The following OTUD7A variants were observed in gnomAD, a reference collection of about 807,000 sequenced individuals.
OTUD7A encodes the protein OTU deubiquitinase 7A.
Under a neutral mutation model 65.7 loss-of-function variants are expected in OTUD7A, and 12 were observed. That is an observed-to-expected ratio of 0.18 (90% confidence interval 0.12 to 0.30). The LOEUF (loss-of-function observed/expected upper bound fraction) is 0.30, where lower values mean the gene tolerates loss of function less well. Among genes scored for constraint, OTUD7A ranks in the 10% least tolerant of loss-of-function variants. The probability of loss-of-function intolerance (pLI) is 1.00; values close to 1 mark genes in which losing one functional copy is unlikely to be tolerated. For synonymous variants in OTUD7A, 641 were observed against 586.3 expected, an observed-to-expected ratio of 1.09 and a Z score of -1.35; for missense variants, 1,148 against 1,304.8, an observed-to-expected ratio of 0.88 and a Z score of 1.85.
chr15:31,578,658 T>A (rs1889278763), intron 3 of OTUD7A, among the ~76,000 whole-genome samples: 1 of 152,032 alleles, frequency 6.6e-6, no homozygotes, highest in South Asian at 2.1e-4. Context: ...TTCAAGCAAT[T>A]CTCCTGCTTC....
At chr15:31,791,424 T>C (rs1195868414) in intron 1 of OTUD7A, among the ~76,000 whole-genome samples, 1 of 152,224 alleles carries the variant, frequency 6.6e-6, no homozygotes, top group Non-Finnish European at 1.5e-5. Flanking sequence ...CTTCAAATTT[T>C]GTATTCCATC....
intron 3 of OTUD7A, among the ~76,000 whole-genome samples, chr15:31,647,851 G>C (rs1456964389): frequency 1.3e-5 from 2 of 151,904 alleles, no homozygotes; most frequent in Non-Finnish European, 1.5e-5. Context: ...CGTGGAGGGA[G>C]AGCTGAATTT....
intron 3 of OTUD7A, among the ~76,000 whole-genome samples, chr15:31,606,923 T>C (rs1890255367): frequency 6.6e-6 from 1 of 152,236 alleles, no homozygotes; most frequent in African/African-American, 2.4e-5. Flanking sequence ...ATGAAGTAAG[T>C]GTTTATCAGT....
In OTUD7A at chr15:31,479,673, G is replaced by T. The variant is rs558164864; in HGVS notation, c.*3621C>A. On this transcript the variant is annotated 3_prime_UTR_variant, in exon 13 of 13. Coordinates refer to ENST00000307050, the MANE Select transcript of OTUD7A (RefSeq NM_001382637.1). ...TGTGGACACTAAGTGGGGGGGGGGG[G>T]TGATGGGCCCATGACCCCTCCCCAG... 7.2e-6 allele frequency: 1 copy of T among 139,134 alleles called. No homozygotes were observed. The highest frequency in any genetic ancestry group is 1.6e-5 in the Non-Finnish European group (1 of 64,382). 8.6% of individuals were successfully genotyped at this position (139,134 alleles called of 1,614,324 possible). A position where few individuals can be genotyped will look rare whatever the true frequency, so the allele number is the denominator to read the frequency against.
chr15:31,757,825 C>T (rs191642104), intron 1 of OTUD7A, among the ~76,000 whole-genome samples: 2 of 152,236 alleles, frequency 1.3e-5, no homozygotes, highest in East Asian at 1.9e-4. Context: ...ATTGTCAGTG[C>T]CTTGAGTAAA....
At chr15:31,638,131 T>C (rs1891395112) in intron 3 of OTUD7A, among the ~76,000 whole-genome samples, 2 of 152,088 alleles carry the variant, frequency 1.3e-5, no homozygotes, top group Admixed American at 6.5e-5. Context: ...GCATCAAACT[T>C]CACGATTGTC....
In OTUD7A at chr15:31,647,239, A is replaced by C. The variant is rs7175551; in HGVS notation, c.151+7857T>G. 8.9e-3 allele frequency among the ~76,000 whole-genome samples: 1,356 copies of C among 152,224 alleles called. 30 individuals are homozygous for C. The highest frequency in any genetic ancestry group is 0.031 in the African/African-American group (1,306 of 41,528). On this transcript the variant is annotated intron_variant, in intron 3 of 12. Coordinates refer to ENST00000307050, the MANE Select transcript of OTUD7A (RefSeq NM_001382637.1). ...CCTGCTTAGGATTCATGGTCCCTAG[A>C]CCACCTTTTTGTTCCCATTCAAGGG... is the stretch of plus-strand genomic sequence containing the variant.
chr15:31,779,408 G>A (rs1044855282), intron 1 of OTUD7A, among the ~76,000 whole-genome samples: 18 of 152,192 alleles, frequency 1.2e-4, no homozygotes, highest in African/African-American at 2.9e-4. Flanking sequence ...GGCTACAGGA[G>A]ACACCTCTGT....
At chr15:31,626,616 C>G (rs1356271046) in intron 3 of OTUD7A, among the ~76,000 whole-genome samples, 1 of 152,080 alleles carries the variant, frequency 6.6e-6, no homozygotes, top group Non-Finnish European at 1.5e-5. Context: ...CACTGTGTTG[C>G]CCAAGTTGGA....
chr15:31,571,365 G>A (rs1045460010), intron 3 of OTUD7A, among the ~76,000 whole-genome samples: 16 of 152,288 alleles, frequency 1.1e-4, no homozygotes, highest in South Asian at 8.3e-4. Flanking sequence ...AAGGAAAGGC[G>A]CAGAGGCCCA....
rs185007324 is a variant in OTUD7A, at chr15:31,847,352, T to G, written c.-100+23155A>C. Among the ~76,000 whole-genome samples, 3 of 152,252 alleles carry G rather than the reference T, an allele frequency of 2.0e-5. No individual in the cohort carries two copies. In the East Asian group the frequency reaches 5.8e-4, roughly 29 times the overall value. On this transcript the variant is annotated intron_variant, in intron 1 of 12. Transcript: ENST00000307050. ...TGATAGAAATGAAAAAAGGGTGTGA[T>G]CATGGTCAAAGAGCAAGACAGCCGC...
chr15:31,484,813 C>T lies in OTUD7A; in HGVS notation c.1372-89G>A, dbSNP rs1192648089. 6.7e-7 allele frequency: 1 copy of T among 1,503,284 alleles called. No homozygotes were observed. The highest frequency in any genetic ancestry group is 8.9e-7 in the Non-Finnish European group (1 of 1,129,112). 93.1% of individuals were successfully genotyped at this position (1,503,284 alleles called of 1,614,324 possible). On this transcript the variant is annotated intron_variant, in intron 12 of 12. Coordinates refer to ENST00000307050, the MANE Select transcript of OTUD7A (RefSeq NM_001382637.1). The surrounding 1 kb of genome is among the most constrained non-coding windows in gnomAD (Gnocchi z 4.5). ...GAAGACACACCTTGCCCCTGTGTTG[C>T]CGAGGCTAGGGCCCTGGACCTTCAC...
chr15:31,763,093 G>A (rs549672827), intron 1 of OTUD7A, among the ~76,000 whole-genome samples: 1 of 152,228 alleles, frequency 6.6e-6, no homozygotes, highest in Non-Finnish European at 1.5e-5. Flanking sequence ...GACCAGGTTG[G>A]CCAACATGGT....
intron 1 of OTUD7A, among the ~76,000 whole-genome samples, chr15:31,711,015 C>T (rs1319578927): frequency 1.3e-5 from 2 of 151,546 alleles, no homozygotes; most frequent in African/African-American, 4.9e-5. Context: ...GGAGCATGTG[C>T]AGGTGTGTAT....
At chr15:31,503,567 T>C in intron 9 of OTUD7A, 124 bp downstream of exon 9, 1 of 1,304,626 alleles carries the variant, frequency 7.7e-7, no homozygotes, top group Non-Finnish European at 1.1e-6. Context: ...GTCGAGGAGA[T>C]CTTTGCACAG....
intron 3 of OTUD7A, among the ~76,000 whole-genome samples, chr15:31,572,473 G>A (rs1889083411): frequency 6.6e-6 from 1 of 152,132 alleles, no homozygotes; most frequent in South Asian, 2.1e-4. Context: ...AGATTTCATG[G>A]TAAGAACTAC....
chr15:31,812,860 C>T (rs1896455728), intron 1 of OTUD7A, among the ~76,000 whole-genome samples: 1 of 152,110 alleles, frequency 6.6e-6, no homozygotes, highest in Admixed American at 6.5e-5. Flanking sequence ...TCCTCAGGAC[C>T]CTTGATCTTA....
intron 3 of OTUD7A, among the ~76,000 whole-genome samples, chr15:31,624,771 G>A (rs542309592): frequency 5.3e-5 from 8 of 152,216 alleles, no homozygotes; most frequent in Non-Finnish European, 8.8e-5. Context: ...GTCAGACTCA[G>A]GATGTTCTGA....
chr15:31,547,023 T>C (rs1317144248), intron 5 of OTUD7A, among the ~76,000 whole-genome samples: 1 of 118,062 alleles, frequency 8.5e-6, no homozygotes, highest in East Asian at 3.1e-4. Flanking sequence ...CTTTCCCACA[T>C]GTACATTTCA....
Sources: gnomAD v4.1 joint callset for allele counts (sites outside exome capture counted in the v4.1 genomes callset) on GRCh38, gnomAD v4.1.1 for gene constraint, Gnocchi (gnomAD v3.1) non-coding constraint, MANE v1.5 for transcripts, NCBI Gene and HGNC (gene_info 2026-07-23, HGNC 2026-07-21) for gene names.